ALOX12B: variants seen among roughly 807,000 people sequenced by gnomAD.
ALOX12B encodes the protein arachidonate 12-lipoxygenase, 12R-type.
In ALOX12B, 47 loss-of-function variants were observed where a neutral mutation model predicts 78.9. That is an observed-to-expected ratio of 0.60 (90% CI 0.47 to 0.76). The LOEUF is 0.76. Ranked by LOEUF, ALOX12B falls within the 30% of genes least tolerant of loss-of-function variation. The probability of loss-of-function intolerance (pLI) is 0.00; values close to 1 mark genes in which losing one functional copy is unlikely to be tolerated. For synonymous variants in ALOX12B, 370 were observed against 374.5 expected (o/e 0.99, Z 0.14); for missense variants, 805 against 922.6 (o/e 0.87, Z 1.65).
At chr17:8,081,306 G>A (rs1436388809) in intron 2 of ALOX12B, 119 bp from the exon 3 acceptor site, 2 of 977,044 alleles carry the variant, frequency 2.0e-6, no homozygotes, top group East Asian at 2.5e-5. Flanking sequence ...ACCAAGGAGT[G>A]GGAAGGCTCA....
chr17:8,076,273 G>A lies in ALOX12B; in HGVS notation c.1434C>T (p.Ser478=), dbSNP rs757292166. The change falls in exon 11 of 15, where the codon AGC becomes AGT. Residue 478 remains serine (S), a synonymous_variant. Transcript: ENST00000647874. The part of the protein sequence containing the change: ...VRALSELTYD[S]LYLPNDFVER... ...CCACAAAGTCATTGGGGAGGTAGAG[G>A]CTGTCATAGGTGAGCTCCGACAGAG... 6.2e-7 allele frequency: 1 copy of A among 1,614,080 alleles called. No individual in the cohort carries two copies. Among genetic ancestry groups the A allele is most frequent in the South Asian group, 1.1e-5 (1 of 91,070 alleles).
At chr17:8,081,396 A>C in intron 2 of ALOX12B, 1 of 641,708 alleles carries the variant, frequency 1.6e-6, no homozygotes, top group Non-Finnish European at 2.9e-6. Context: ...CTCTTGCTCT[A>C]CTGTCAAGCT....
Position 8,080,058 on chromosome 17 carries a change from C to G in ALOX12B, c.755-117G>C. On this transcript the variant is annotated intron_variant, in intron 6 of 14. Coordinates refer to ENST00000647874, the MANE Select transcript of ALOX12B (RefSeq NM_001139.3). This position sits in a 1 kb window ranked among gnomAD's most constrained non-coding sequence, Gnocchi z 4.8. The stretch of plus-strand genomic sequence containing the variant: ...GGAGTCGGGGAGGAAAACGAGGCCC[C>G]CAGCCTGGCGCTGAGCGGCCGGAGG... The G allele has an allele frequency of 6.6e-7, 1 of 1,517,310 alleles. No homozygotes were observed. Among genetic ancestry groups the G allele is most frequent in the Non-Finnish European group, 9.0e-7 (1 of 1,107,400 alleles). The allele number at this position is 1,517,310 out of a possible 1,614,324, so 94.0% of individuals were successfully genotyped here. A position where few individuals can be genotyped will look rare whatever the true frequency, so the allele number is the denominator to read the frequency against.
rs1017768093 is a variant in ALOX12B at position 8,079,262 on chromosome 17, G to A, written c.1071+134C>T. On this transcript the variant is annotated intron_variant, in intron 8 of 14. Coordinates refer to ENST00000647874, the MANE Select transcript of ALOX12B (RefSeq NM_001139.3). This position sits in a 1 kb window ranked among gnomAD's most constrained non-coding sequence, Gnocchi z 6.4. ...ATTTTGGCATCCCGGGGAGGTCCTGGAACCAATCTCTCAAGGATAACGAGA... is the reference window on the plus strand; with the variant it reads ...ATTTTGGCATCCCGGGGAGGTCCTGAAACCAATCTCTCAAGGATAACGAGA... 2 of 1,358,276 alleles carry A rather than the reference G, an allele frequency of 1.5e-6. No homozygotes were observed. Among genetic ancestry groups the A allele is most frequent in the African/African-American group, 1.5e-5 (1 of 67,882 alleles). 84.1% of individuals were successfully genotyped at this position (1,358,276 alleles called of 1,614,324 possible).
chr17:8,078,751 C>G (rs924804380), intron 8 of ALOX12B, among the ~76,000 whole-genome samples: 3 of 151,936 alleles, frequency 2.0e-5, no homozygotes, highest in Non-Finnish European at 2.9e-5. Flanking sequence ...TAAGCCTATT[C>G]GGGCATACAA....
chr17:8,079,258 C>T lies in ALOX12B; in HGVS notation c.1071+138G>A, dbSNP rs566785964. The T allele has an allele frequency of 9.0e-6, 12 of 1,336,780 alleles. No individual in the cohort carries two copies. Among genetic ancestry groups the T allele is most frequent in the Non-Finnish European group, 1.2e-5 (12 of 999,264 alleles). 82.8% of individuals were successfully genotyped at this position (1,336,780 alleles called of 1,614,324 possible). ...GCAGATTTTGGCATCCCGGGGAGGTCCTGGAACCAATCTCTCAAGGATAAC... is the reference window on the plus strand; with the variant it reads ...GCAGATTTTGGCATCCCGGGGAGGTTCTGGAACCAATCTCTCAAGGATAAC... On this transcript the variant is annotated intron_variant, in intron 8 of 14. Transcript: ENST00000647874. The surrounding 1 kb of genome is among the most constrained non-coding windows in gnomAD (Gnocchi z 6.4).
rs1445761119 is a variant in ALOX12B at position 8,073,293 on chromosome 17, T to C, written c.1781A>G (p.Asn594Ser). Residue 594 changes from asparagine (N) to serine (S), a missense_variant, in exon 14 of 15, where the codon AAC becomes AGC. Asn to Ser is a conservative substitution (Grantham distance 46). Coordinates refer to ENST00000647874, the MANE Select transcript of ALOX12B (RefSeq NM_001139.3). ...TGGATTCCGCATGGACGCTGGGAAG[T>C]TGGGCATCCAGGCGGTGAACTCCAT... ...GQMEFTAWMP[N>S]FPASMRNPPI... The C allele has an allele frequency of 3.7e-6, 6 of 1,613,994 alleles. No individual in the cohort carries two copies. Among genetic ancestry groups the C allele is most frequent in the African/African-American group, 2.7e-5 (2 of 74,892 alleles).
rs536554733 is a variant in ALOX12B at position 8,085,917 on chromosome 17, C to A, written c.352+99G>T. The stretch of plus-strand genomic sequence containing the variant: ...CAGGAGTCCCTGGTGGGGCTGGGCC[C>A]CCCTCTGGCTTGATGGGAGCCTGGG... On this transcript the variant is annotated intron_variant, in intron 2 of 14. Transcript: ENST00000647874. 6.3e-6 allele frequency: 9 copies of A among 1,431,200 alleles called. No homozygotes were observed. The African/African-American group carries it at 9.8e-5, about 16-fold the overall frequency. The allele number at this position is 1,431,200 out of a possible 1,614,324, so 88.7% of individuals were successfully genotyped here.
At chr17:8,085,465 G>A (rs1419548269) in intron 2 of ALOX12B, among the ~76,000 whole-genome samples, 2 of 152,174 alleles carry the variant, frequency 1.3e-5, no homozygotes, top group Non-Finnish European at 2.9e-5. Context: ...GAAAGCCAGG[G>A]CGTCATAATT....
chr17:8,082,400 G>A (rs756369470), intron 2 of ALOX12B, among the ~76,000 whole-genome samples: 2 of 152,074 alleles, frequency 1.3e-5, no homozygotes, highest in African/African-American at 4.8e-5. Context: ...CGTTCTTATC[G>A]CCATTATGTT....
chr17:8,072,852 G>A lies in ALOX12B; in HGVS notation c.2025C>T (p.Asp675=). The A allele has an allele frequency of 6.2e-7, 1 of 1,614,236 alleles. No individual in the cohort carries two copies. Among genetic ancestry groups the A allele is most frequent in the South Asian group, 1.1e-5 (1 of 91,086 alleles). Residue 675 remains aspartate, a synonymous_variant, in exon 15 of 15, where the codon GAC becomes GAT. Coordinates refer to ENST00000647874, the MANE Select transcript of ALOX12B (RefSeq NM_001139.3). ...FRQRLNQISH[D]IRQRNKCLPI... The stretch of plus-strand genomic sequence containing the variant: ...GAAGGCACTTGTTGCGCTGGCGGAT[G>A]TCGTGTGAGATCTGGTTCAGGCGCT...
At position 8,080,450 on chromosome 17, in the gene ALOX12B, G is replaced by A. The variant is rs755589769; in HGVS notation, c.651-112C>T. 7.1e-7 allele frequency: 1 copy of A among 1,411,720 alleles called. No homozygotes were observed. The highest frequency in any genetic ancestry group is 1.2e-5 in the South Asian group (1 of 86,250). The allele number at this position is 1,411,720 out of a possible 1,614,324, so 87.4% of individuals were successfully genotyped here. On this transcript the variant is annotated intron_variant, in intron 5 of 14. Coordinates refer to ENST00000647874, the MANE Select transcript of ALOX12B (RefSeq NM_001139.3). The surrounding 1 kb of genome is among the most constrained non-coding windows in gnomAD (Gnocchi z 4.8). ...GGTCTCTGGGTCTCAGGGTCTGTGC[G>A]TCGCAAAGTCTCTGGGTCCCATGTC...
rs1977012141 is a variant in ALOX12B at position 8,072,956 on chromosome 17, G to A, written c.1927-6C>T. The A allele has an allele frequency of 6.2e-7, 1 of 1,609,840 alleles. No homozygotes were observed. Among genetic ancestry groups the A allele is most frequent in the South Asian group, 1.1e-5 (1 of 90,850 alleles). ...GGGAAGTGTCCCAGGGGCCGCTGCG[G>A]GCAGAGAGCTCGACAGCTGGGACCA... On this transcript the variant is annotated splice_region_variant and splice_polypyrimidine_tract_variant and intron_variant, in intron 14 of 14. Transcript: ENST00000647874.
chr17:8,084,159 A>T (rs1978290982), intron 2 of ALOX12B, among the ~76,000 whole-genome samples: 2 of 151,734 alleles, frequency 1.3e-5, no homozygotes, highest in African/African-American at 4.8e-5. Flanking sequence ...ATCTCAAAAA[A>T]AAAAATTTGA....
chr17:8,074,896 G>A (rs373899731), intron 12 of ALOX12B, among the ~76,000 whole-genome samples: 30 of 152,260 alleles, frequency 2.0e-4, no homozygotes, highest in African/African-American at 5.1e-4. Context: ...CAGTCATCTC[G>A]AGGCTAACCT....
At chr17:8,083,359 T>C (rs1978289535) in intron 2 of ALOX12B, among the ~76,000 whole-genome samples, 1 of 152,202 alleles carries the variant, frequency 6.6e-6, no homozygotes, top group African/African-American at 2.4e-5. Context: ...CAGTCGCTAT[T>C]ATGTATTACG....
At chr17:8,077,669 C>T (rs116938834) in intron 8 of ALOX12B, among the ~76,000 whole-genome samples, 101 of 152,316 alleles carry the variant, frequency 6.6e-4, no homozygotes, top group Non-Finnish European at 1.1e-3. Flanking sequence ...TTGCACATGA[C>T]GCTTGGGGGG....
At position 8,073,567 on chromosome 17, in the gene ALOX12B, T is replaced by C. The variant is rs1977025401; in HGVS notation, c.1755+90A>G. The C allele has an allele frequency of 2.7e-5, 34 of 1,252,274 alleles. 1 individual carries two copies. The highest frequency in any genetic ancestry group is 3.7e-5 in the Non-Finnish European group (32 of 863,154). 77.6% of individuals were successfully genotyped at this position (1,252,274 alleles called of 1,614,324 possible). ...CAAGTTGAGGCTGGACCAGGGATTATGGCTGAGGCTGGGTTTGAGGTTGGG... is the reference window on the plus strand; with the variant it reads ...CAAGTTGAGGCTGGACCAGGGATTACGGCTGAGGCTGGGTTTGAGGTTGGG... On this transcript the variant is annotated intron_variant, in intron 13 of 14. Transcript: ENST00000647874.
Position 8,087,629 on chromosome 17 carries a change from G to A in ALOX12B, c.-187C>T. 1 of 970,188 alleles carries A rather than the reference G, an allele frequency of 1.0e-6. No individual in the cohort carries two copies. The highest frequency in any genetic ancestry group is 1.5e-6 in the Non-Finnish European group (1 of 651,646). The allele number at this position is 970,188 out of a possible 1,614,324, so 60.1% of individuals were successfully genotyped here. On this transcript the variant is annotated 5_prime_UTR_variant, in exon 1 of 15. Coordinates refer to ENST00000647874, the MANE Select transcript of ALOX12B (RefSeq NM_001139.3). The stretch of plus-strand genomic sequence containing the variant: ...CCAGCCAAATTCTGGAAAAGCTGCT[G>A]CCCTTGGTGGCCGGGGTGGGTGCCG...
Sources: gnomAD v4.1 joint callset for allele counts (sites outside exome capture counted in the v4.1 genomes callset) on GRCh38, gnomAD v4.1.1 for gene constraint, Gnocchi (gnomAD v3.1) non-coding constraint, MANE v1.5 for transcripts, NCBI Gene and HGNC (gene_info 2026-07-23, HGNC 2026-07-21) for gene names.